ATG5: variants seen among roughly 807,000 people sequenced by gnomAD.
ATG5 encodes autophagy protein 5.
ATG5 carries 14 observed loss-of-function variants against 36.5 expected under a neutral mutation model. That is an observed-to-expected ratio of 0.38 (90% CI 0.25 to 0.60). The LOEUF is 0.60. Ranked by LOEUF, ATG5 falls within the 20% of genes least tolerant of loss-of-function variation. ATG5 has a pLI of 0.60. For missense variants in ATG5, 195 were observed against 326.7 expected, an observed-to-expected ratio of 0.60 and a Z score of 3.11; for synonymous variants, 95 against 101.5, an observed-to-expected ratio of 0.94 and a Z score of 0.38.
At chr6:106,284,781 G>A (rs1780012978) in intron 4 of ATG5, among the ~76,000 whole-genome samples, 1 of 148,748 alleles carries the variant, frequency 6.7e-6, no homozygotes, top group African/African-American at 2.5e-5. Context: ...ATCTTTTCAT[G>A]TGTTTACTGG....
chr6:106,215,745 G>GA (rs1255455997), intron 6 of ATG5, among the ~76,000 whole-genome samples: 5 of 151,826 alleles, frequency 3.3e-5, no homozygotes, highest in South Asian at 2.1e-4. Flanking sequence ...AGCAACCAAA[G>GA]AAAAAAACAG....
chr6:106,195,757 G>C (rs1582532962), intron 7 of ATG5, among the ~76,000 whole-genome samples: 1 of 146,136 alleles, frequency 6.8e-6, no homozygotes, highest in African/African-American at 2.6e-5. Context: ...TCACCTAAAA[G>C]GAAGGTTTGT....
chr6:106,194,988 G>A (rs947717904), intron 7 of ATG5, among the ~76,000 whole-genome samples: 3 of 152,102 alleles, frequency 2.0e-5, no homozygotes, highest in Non-Finnish European at 2.9e-5. Flanking sequence ...CAGCTGAAAC[G>A]ACAAAAACAA....
At chr6:106,250,067 C>G (rs1442808626) in intron 5 of ATG5, among the ~76,000 whole-genome samples, 1 of 151,786 alleles carries the variant, frequency 6.6e-6, no homozygotes, top group Non-Finnish European at 1.5e-5. Flanking sequence ...TTTTTTTTAA[C>G]TCACCCAGAA....
chr6:106,230,310 A>G (rs531008138), intron 6 of ATG5, among the ~76,000 whole-genome samples: 9 of 152,312 alleles, frequency 5.9e-5, no homozygotes, highest in African/African-American at 1.9e-4. Context: ...TTGCCTAAGA[A>G]CTGTTGTTTA....
At chr6:106,211,581 G>C (rs1776854193) in intron 6 of ATG5, among the ~76,000 whole-genome samples, 1 of 152,164 alleles carries the variant, frequency 6.6e-6, no homozygotes, top group South Asian at 2.1e-4. Flanking sequence ...GTGGTGGCGT[G>C]CATCTGTAGT....
chr6:106,234,061 A>C (rs1195401896), intron 6 of ATG5, among the ~76,000 whole-genome samples: 3 of 152,144 alleles, frequency 2.0e-5, no homozygotes, highest in Non-Finnish European at 4.4e-5. Context: ...GTTGTCCTGG[A>C]AGACTTGGAG....
intron 4 of ATG5, among the ~76,000 whole-genome samples, chr6:106,286,043 T>C (rs1320446178): frequency 2.0e-5 from 3 of 151,360 alleles, no homozygotes; most frequent in Non-Finnish European, 4.4e-5. Flanking sequence ...CAGTATCTTT[T>C]GTCCACTCTT....
intron 4 of ATG5, among the ~76,000 whole-genome samples, chr6:106,287,061 A>C (rs1350980686): frequency 6.6e-6 from 1 of 152,240 alleles, no homozygotes; most frequent in Non-Finnish European, 1.5e-5. Context: ...TAGATAACTA[A>C]TACAACATAC....
chr6:106,244,893 C>T (rs1778270617), intron 6 of ATG5, among the ~76,000 whole-genome samples: 1 of 152,200 alleles, frequency 6.6e-6, no homozygotes, highest in African/African-American at 2.4e-5. Context: ...ATATGATGTG[C>T]TTAATTTTCA....
intron 7 of ATG5, 114 bp from the exon 8 acceptor site, chr6:106,186,790 C>A (rs1775788323): frequency 1.6e-6 from 2 of 1,238,044 alleles, no homozygotes; most frequent in African/African-American, 3.0e-5. Context: ...CATGTTTTGT[C>A]CCCTGAACAG....
In ATG5 at chr6:106,233,149, C is replaced by A. The variant is rs552836717; in HGVS notation, c.573+15001G>T. 1.7e-3 allele frequency among the ~76,000 whole-genome samples: 264 copies of A among 152,304 alleles called. 2 individuals are homozygous for A. The highest frequency in any genetic ancestry group is 6.1e-3 in the African/African-American group (253 of 41,556). ...TACCTGTGGCTACAAGGTTTCCAAA[C>A]CAAAGGCTCAGCTCTGCTCACAGCA... On this transcript the variant is annotated intron_variant, in intron 6 of 7. Transcript: ENST00000369076.
intron 6 of ATG5, among the ~76,000 whole-genome samples, chr6:106,242,401 T>C (rs1457274822): frequency 1.3e-5 from 2 of 152,172 alleles, no homozygotes; most frequent in South Asian, 4.1e-4. Context: ...GAGGTACCTA[T>C]GGATGTCAAA....
rs527681879 is a variant in ATG5 at position 106,228,758 on chromosome 6, G to C, written c.573+19392C>G. The stretch of plus-strand genomic sequence containing the variant: ...CCCTTAGAATTGGAGGAAAATACTG[G>C]GCACCTGTCGGCCGGTTAAAAACGA... On this transcript the variant is annotated intron_variant, in intron 6 of 7. Coordinates refer to ENST00000369076, the MANE Select transcript of ATG5 (RefSeq NM_004849.4). Among the ~76,000 whole-genome samples, 264 of 152,216 alleles carry C rather than the reference G, an allele frequency of 1.7e-3. 2 individuals carry two copies. Among genetic ancestry groups the C allele is most frequent in the African/African-American group, 6.1e-3 (253 of 41,536 alleles).
intron 5 of ATG5, among the ~76,000 whole-genome samples, chr6:106,266,703 A>C (rs1391242519): frequency 6.6e-6 from 1 of 152,212 alleles, no homozygotes; most frequent in Non-Finnish European, 1.5e-5. Flanking sequence ...CAACACACAC[A>C]AATCAATAAA....
At chr6:106,307,922 T>G (rs1016097775) in intron 3 of ATG5, among the ~76,000 whole-genome samples, 3 of 152,204 alleles carry the variant, frequency 2.0e-5, no homozygotes, top group African/African-American at 7.2e-5. Flanking sequence ...AAACCAAGCC[T>G]AGTTAAGATG....
intron 3 of ATG5, 112 bp from the exon 4 acceptor site, chr6:106,293,218 C>T: frequency 2.5e-6 from 2 of 808,396 alleles, no homozygotes; most frequent in Non-Finnish European, 4.1e-6. Flanking sequence ...GCTTTAATCA[C>T]AAATCACAGG....
intron 6 of ATG5, among the ~76,000 whole-genome samples, chr6:106,228,118 T>C (rs79622960): frequency 0.013 from 1,979 of 152,336 alleles, 42 homozygotes; most frequent in African/African-American, 0.043. Flanking sequence ...TATTTGGTTA[T>C]TAGAAAATAG....
rs563775563 is a variant in ATG5, at chr6:106,186,633, T to C, written c.735A>G (p.Pro245=). Residue 245 remains proline (P), a synonymous_variant, in exon 8 of 8, where the codon CCA becomes CCG. Transcript: ENST00000369076. ...KNQVMIHGIE[P]MLETPLQWLS... ...GCCACTGCAGAGGTGTTTCCAACAT[T>C]GGCTCAATTCCATGAATCATCACTT... is the stretch of plus-strand genomic sequence containing the variant. 1.6e-4 allele frequency: 255 copies of C among 1,613,860 alleles called. 4 individuals carry two copies. In the South Asian group the frequency reaches 2.5e-3, roughly 16 times the overall value.
Sources: allele counts gnomAD v4.1 joint callset (sites outside exome capture counted in the v4.1 genomes callset), GRCh38; gene constraint gnomAD v4.1.1; transcripts MANE v1.5; gene names NCBI Gene and HGNC (gene_info 2026-07-23, HGNC 2026-07-21).